The following GRM5 variants were observed in gnomAD, a reference collection of about 807,000 sequenced individuals.
GRM5 encodes glutamate metabotropic receptor 5, also known as metabotropic glutamate receptor 5.
In GRM5, 19 loss-of-function variants were observed where a neutral mutation model predicts 83.1. The observed-to-expected ratio is 0.23, with a 90% CI of 0.16 to 0.34. The LOEUF (loss-of-function observed/expected upper bound fraction) is 0.34. Among genes scored for constraint, GRM5 ranks in the 10% least tolerant of loss-of-function variants. The probability of loss-of-function intolerance (pLI) is 1.00; values close to 1 mark genes in which losing one functional copy is unlikely to be tolerated. For missense variants in GRM5, 1,160 were observed against 1,588.3 expected (o/e 0.73, Z 4.58); for synonymous variants, 675 against 633.6 (o/e 1.07, Z -0.98).
chr11:88,657,996 C>T (rs1033350262), intron 3 of GRM5, among the ~76,000 whole-genome samples: 8 of 152,050 alleles, frequency 5.3e-5, no homozygotes, highest in African/African-American at 1.4e-4. Context: ...CAGGAGTCCC[C>T]AAACCCCAGG....
Position 88,964,921 on chromosome 11 carries a change from CTG to C in GRM5, c.661+82289_661+82290del, listed in dbSNP as rs538565718. On this transcript the variant is annotated intron_variant, in intron 2 of 9. Coordinates refer to ENST00000305447, the MANE Select transcript of GRM5 (RefSeq NM_001143831.3). Reference sequence around the variant, plus strand: ...CATCTTTAAAGTGCTGAAAGAAAAACTGTGAAAATTGCATTAAAAAGTTGCTA... The same window carrying C: ...CATCTTTAAAGTGCTGAAAGAAAAACTGAAAATTGCATTAAAAAGTTGCTA... 5.0e-3 allele frequency among the ~76,000 whole-genome samples: 756 copies of C among 152,158 alleles called. 2 individuals are homozygous for C. Among genetic ancestry groups the C allele is most frequent in the Non-Finnish European group, 9.1e-3 (617 of 67,990 alleles).
chr11:89,010,502 G>C (rs1479514336), intron 2 of GRM5, among the ~76,000 whole-genome samples: 4 of 152,186 alleles, frequency 2.6e-5, no homozygotes, highest in African/African-American at 7.2e-5. Context: ...TGGCCACCTA[G>C]ATTAGGGTCC....
intron 4 of GRM5, among the ~76,000 whole-genome samples, chr11:88,621,435 T>G (rs1398745110): frequency 1.3e-5 from 2 of 152,194 alleles, no homozygotes; most frequent in African/African-American, 4.8e-5. Flanking sequence ...ATGATTCTTT[T>G]TTCAGGGCTC....
In GRM5 at chr11:88,653,218, C is replaced by A. The variant is rs201050787; in HGVS notation, c.1097G>T (p.Arg366Leu). 2 of 1,612,508 alleles carry A rather than the reference C, an allele frequency of 1.2e-6. No individual in the cohort carries two copies. Among genetic ancestry groups the A allele is most frequent in the Non-Finnish European group, 1.7e-6 (2 of 1,179,010 alleles). The change falls in exon 4 of 10, where the codon CGA becomes CTA. Residue 366 changes from arginine to leucine, a missense_variant. This residue lies in a region of GRM5 where 132 missense variants were observed against 197.6 expected (regional missense o/e 0.67). Transcript: ENST00000305447. The part of the protein sequence containing the change: ...QEFWQHRFQC[R>L]LEGFPQENSK... ...GTTCTCCTGTGGAAACCCTTCCAGT[C>A]GGCACTGAAAACGATGCTGCCAAAA... is the stretch of plus-strand genomic sequence containing the variant.
chr11:88,925,689 A>G, intron 2 of GRM5: 1 of 449,292 alleles, frequency 2.2e-6, no homozygotes. Context: ...AAGCAAGCAG[A>G]TCACTTGAGG....
intron 3 of GRM5, among the ~76,000 whole-genome samples, chr11:88,760,402 A>C (rs1262323643): frequency 6.6e-6 from 1 of 152,160 alleles, no homozygotes; most frequent in Non-Finnish European, 1.5e-5. Flanking sequence ...ATAGAAATAC[A>C]AGTAACCACC....
At chr11:88,828,071 G>GAAC (rs1213103367) in intron 3 of GRM5, among the ~76,000 whole-genome samples, 4 of 152,126 alleles carry the variant, frequency 2.6e-5, no homozygotes, top group Non-Finnish European at 5.9e-5. Context: ...CAGGCAAAGA[G>GAAC]AACAGTAAGT....
At chr11:89,013,041 AT>A (rs1398548757) in intron 2 of GRM5, among the ~76,000 whole-genome samples, 3 of 152,184 alleles carry the variant, frequency 2.0e-5, no homozygotes, top group African/African-American at 4.8e-5. Context: ...TTCATTTCAA[AT>A]TTTTTATGAT....
At chr11:88,885,601 T>C (rs1945032070) in intron 2 of GRM5, among the ~76,000 whole-genome samples, 1 of 151,402 alleles carries the variant, frequency 6.6e-6, no homozygotes, top group African/African-American at 2.4e-5. Context: ...CAAATTAATA[T>C]ATAAATAAGG....
chr11:88,763,747 G>T (rs1211679419), intron 3 of GRM5, among the ~76,000 whole-genome samples: 1 of 151,626 alleles, frequency 6.6e-6, no homozygotes, highest in Non-Finnish European at 1.5e-5. Context: ...AAATAAGATA[G>T]CTATAGAGTA....
At chr11:89,051,479 G>A (rs1290834398) in intron 1 of GRM5, among the ~76,000 whole-genome samples, 1 of 152,136 alleles carries the variant, frequency 6.6e-6, no homozygotes, top group African/African-American at 2.4e-5. Context: ...GGAGGCCGAG[G>A]CGGGCAGTTC....
chr11:88,652,541 G>A (rs560422995), intron 4 of GRM5, among the ~76,000 whole-genome samples: 38 of 152,082 alleles, frequency 2.5e-4, no homozygotes, highest in African/African-American at 8.7e-4. Flanking sequence ...AAACCTTTGA[G>A]GGCAGGAACT....
At chr11:88,981,819 A>G (rs1012147756) in intron 2 of GRM5, among the ~76,000 whole-genome samples, 1 of 152,186 alleles carries the variant, frequency 6.6e-6, no homozygotes, top group African/African-American at 2.4e-5. Context: ...ATAAGTCCTT[A>G]TATCACAGAC....
intron 2 of GRM5, among the ~76,000 whole-genome samples, chr11:88,942,288 G>A (rs369496732): frequency 1.3e-5 from 2 of 152,188 alleles, no homozygotes; most frequent in East Asian, 1.9e-4. Context: ...GATTTGGCAA[G>A]AGGGAAGTGT....
chr11:88,807,081 G>A (rs1943511393), intron 3 of GRM5, among the ~76,000 whole-genome samples: 1 of 152,122 alleles, frequency 6.6e-6, no homozygotes, highest in South Asian at 2.1e-4. Flanking sequence ...TGTTGACATG[G>A]ATTTCTCACT....
At chr11:88,917,069 A>G (rs1945608184) in intron 2 of GRM5, among the ~76,000 whole-genome samples, 1 of 152,354 alleles carries the variant, frequency 6.6e-6, no homozygotes, top group East Asian at 1.9e-4. Flanking sequence ...GTGACCAAGA[A>G]GAGTCCCAGC....
rs66888159 is a variant in GRM5, at chr11:88,845,725, G to GCCCCC, written c.911+4176_911+4180dup. ...TGGGATTACAGGCATGAACCACCGCGCCCCCCCCCACTTTTTATATGAATT... is the reference window on the plus strand; with the variant it reads ...TGGGATTACAGGCATGAACCACCGCGCCCCCCCCCCCCCCACTTTTTATATGAATT... On this transcript the variant is annotated intron_variant, in intron 3 of 9. Transcript: ENST00000305447. 5.4e-4 allele frequency among the ~76,000 whole-genome samples: 79 copies of GCCCCC among 147,378 alleles called. 2 individuals carry two copies. Among genetic ancestry groups the GCCCCC allele is most frequent in the African/African-American group, 1.9e-3 (72 of 37,790 alleles).
At chr11:88,831,704 C>T (rs1469255219) in intron 3 of GRM5, among the ~76,000 whole-genome samples, 5 of 152,206 alleles carry the variant, frequency 3.3e-5, no homozygotes. Context: ...TCTATCCACA[C>T]ACACCAACTG....
intron 2 of GRM5, among the ~76,000 whole-genome samples, chr11:88,960,200 G>A (rs1409681533): frequency 1.3e-5 from 2 of 152,262 alleles, no homozygotes; most frequent in African/African-American, 4.8e-5. Context: ...AAGTAGTAGG[G>A]AACTGATTAT....
Sources: gnomAD v4.1 joint callset for allele counts (sites outside exome capture counted in the v4.1 genomes callset) on GRCh38, gnomAD v4.1.1 for gene constraint, gnomAD v4.1.1 regional missense constraint, MANE v1.5 for transcripts, NCBI Gene and HGNC (gene_info 2026-07-23, HGNC 2026-07-21) for gene names.